Variants in FAM107B observed in about 807,000 individuals in gnomAD.
The protein encoded by FAM107B is family with sequence similarity 107 member B.
Under a neutral mutation model 31.5 loss-of-function variants are expected in FAM107B, and 21 were observed. That is an observed-to-expected ratio of 0.67 (90% CI 0.47 to 0.96). FAM107B has a LOEUF of 0.96. FAM107B is among the 40% of genes least tolerant of loss of function. FAM107B has a pLI of 0.00. For synonymous variants in FAM107B, 157 were observed against 141.5 expected (o/e 1.11, Z -0.78); for missense variants, 452 against 377.1 (o/e 1.20, Z -1.64).
intron 2 of FAM107B, among the ~76,000 whole-genome samples, chr10:14,595,051 A>C (rs1852140849): frequency 6.6e-6 from 1 of 151,966 alleles, no homozygotes; most frequent in South Asian, 2.1e-4. Flanking sequence ...ACCTGTACAA[A>C]GGCAAAACGC....
chr10:14,762,581 C>G (rs1184643938), intron 1 of FAM107B, among the ~76,000 whole-genome samples: 1 of 151,992 alleles, frequency 6.6e-6, no homozygotes, highest in Non-Finnish European at 1.5e-5. Context: ...ATGGTGAAAC[C>G]CTGTCTCTAC....
chr10:14,703,882 G>A (rs1209517285), intron 1 of FAM107B, among the ~76,000 whole-genome samples: 1 of 152,162 alleles, frequency 6.6e-6, no homozygotes, highest in African/African-American at 2.4e-5. Flanking sequence ...TTCTCCCCAG[G>A]TTCTGCAGCG....
chr10:14,697,676 C>T (rs1855298900), intron 1 of FAM107B, among the ~76,000 whole-genome samples: 2 of 152,234 alleles, frequency 1.3e-5, no homozygotes, highest in Admixed American at 1.3e-4. Flanking sequence ...AGTGCTCAGA[C>T]CTATACAGCT....
At chr10:14,544,519 T>C (rs892147553) in intron 2 of FAM107B, among the ~76,000 whole-genome samples, 5 of 152,218 alleles carry the variant, frequency 3.3e-5, no homozygotes, top group African/African-American at 1.2e-4. Context: ...CTTATTCCCT[T>C]ACATTTAGAA....
At chr10:14,699,213 G>C (rs1855338637) in intron 1 of FAM107B, among the ~76,000 whole-genome samples, 2 of 152,204 alleles carry the variant, frequency 1.3e-5, no homozygotes, top group Non-Finnish European at 2.9e-5. Context: ...CGTTCCCCCA[G>C]AGGAATAGAA....
intron 2 of FAM107B, among the ~76,000 whole-genome samples, chr10:14,604,046 GCACCTCC>G (rs908191739): frequency 2.1e-5 from 3 of 146,194 alleles, no homozygotes; most frequent in African/African-American, 7.4e-5. Context: ...CTGAGCCCCG[GCACCTCC>G]CGGGCGCCGC....
At chr10:14,724,991 C>A (rs943822893) in intron 1 of FAM107B, among the ~76,000 whole-genome samples, 2 of 152,248 alleles carry the variant, frequency 1.3e-5, no homozygotes, top group Non-Finnish European at 2.9e-5. Context: ...AAGGAAACAA[C>A]ATTGCTTTGA....
intron 1 of FAM107B, among the ~76,000 whole-genome samples, chr10:14,687,934 A>T (rs1855029888): frequency 6.6e-6 from 1 of 151,782 alleles, no homozygotes; most frequent in South Asian, 2.1e-4. Context: ...GATTGGATTG[A>T]AGGATGCAAA....
At chr10:14,708,849 A>G (rs1438193742) in intron 1 of FAM107B, among the ~76,000 whole-genome samples, 3 of 152,084 alleles carry the variant, frequency 2.0e-5, no homozygotes, top group Admixed American at 6.6e-5. Context: ...TTCACCAAAG[A>G]AAATATACAG....
At chr10:14,735,700 G>A (rs75766255) in intron 1 of FAM107B, among the ~76,000 whole-genome samples, 1,809 of 152,280 alleles carry the variant, frequency 0.012, 30 homozygotes, top group African/African-American at 0.04. Flanking sequence ...AAGCAGAAGA[G>A]TAGCTGGAGT....
intron 1 of FAM107B, chr10:14,724,100 C>T (rs1252306457): frequency 3.3e-6 from 2 of 598,464 alleles, no homozygotes; most frequent in African/African-American, 3.7e-5. Flanking sequence ...CAGAACAATG[C>T]CAAATGGACT....
intron 2 of FAM107B, among the ~76,000 whole-genome samples, chr10:14,569,030 A>G (rs1244074424): frequency 6.6e-6 from 1 of 152,196 alleles, no homozygotes; most frequent in East Asian, 1.9e-4. Context: ...GAAGAAATGA[A>G]GTTAGGAATT....
At chr10:14,628,121 T>G (rs1456909902) in intron 2 of FAM107B, among the ~76,000 whole-genome samples, 3 of 121,808 alleles carry the variant, frequency 2.5e-5, no homozygotes, top group South Asian at 3.0e-4. Flanking sequence ...GGTTTTTTTT[T>G]TTTTTTTTTT....
At chr10:14,628,565 C>T (rs902943678) in intron 2 of FAM107B, among the ~76,000 whole-genome samples, 4 of 152,184 alleles carry the variant, frequency 2.6e-5, no homozygotes, top group Admixed American at 6.5e-5. Flanking sequence ...ATGAAATGAA[C>T]GTGGGATACT....
intron 1 of FAM107B, among the ~76,000 whole-genome samples, chr10:14,683,233 A>T (rs1048443195): frequency 3.3e-5 from 5 of 152,214 alleles, no homozygotes; most frequent in Non-Finnish European, 5.9e-5. Context: ...AATCTAATCT[A>T]CAGTGGAAAG....
intron 2 of FAM107B, chr10:14,553,549 C>G (rs370862401): frequency 1.4e-5 from 5 of 354,668 alleles, no homozygotes; most frequent in South Asian, 1.1e-4. Context: ...GTACCAGGAA[C>G]CAGTCAAGGG....
At chr10:14,524,034 A>AT (rs11288279) in intron 3 of FAM107B, among the ~76,000 whole-genome samples, 5,148 of 123,354 alleles carry the variant, frequency 0.042, 145 homozygotes, top group Non-Finnish European at 0.058. Context: ...GCCCAGCTCT[A>AT]TTTTTTTTTT....
chr10:14,589,654 T>A (rs1851953833), intron 2 of FAM107B, among the ~76,000 whole-genome samples: 1 of 151,828 alleles, frequency 6.6e-6, no homozygotes, highest in African/African-American at 2.4e-5. Flanking sequence ...TCTTGGGGGA[T>A]GAGGGGCAAG....
At chr10:14,739,719 C>T (rs1218558129) in intron 1 of FAM107B, among the ~76,000 whole-genome samples, 1 of 152,204 alleles carries the variant, frequency 6.6e-6, no homozygotes, top group East Asian at 1.9e-4. Context: ...AGTTCTACAA[C>T]TTGTGCTAGA....
Sources: gnomAD v4.1 joint callset for allele counts (sites outside exome capture counted in the v4.1 genomes callset) on GRCh38, gnomAD v4.1.1 for gene constraint, MANE v1.5 for transcripts, NCBI Gene and HGNC (gene_info 2026-07-23, HGNC 2026-07-21) for gene names.